The following MALRD1 variants were observed in gnomAD, a reference collection of about 807,000 sequenced individuals.
MALRD1 encodes the protein MAM and LDL-receptor class A domain-containing protein 1.
In MALRD1, 247 loss-of-function variants were observed where a neutral mutation model predicts 242.1. The ratio of observed to expected loss-of-function variants is 1.02; its 90% confidence interval spans 0.92 to 1.13. The LOEUF (loss-of-function observed/expected upper bound fraction) is 1.13. Among genes scored for constraint, MALRD1 ranks in the 50% most tolerant of loss-of-function variants. MALRD1 has a pLI of 0.00. For missense variants in MALRD1, 2,989 were observed against 2,533.1 expected (o/e 1.18, Z -3.86); for synonymous variants, 995 against 866.6 (o/e 1.15, Z -2.60).
At chr10:19,711,136 T>C (rs542793747) in intron 38 of MALRD1, 1 of 152,368 alleles carries the variant, frequency 6.6e-6, no homozygotes, top group Non-Finnish European at 1.5e-5. Flanking sequence ...ATCTTCCTGA[T>C]AGATTCTTTT....
chr10:19,504,229 G>A (rs959015441), intron 31 of MALRD1, among the ~76,000 whole-genome samples: 9 of 152,124 alleles, frequency 5.9e-5, no homozygotes, highest in African/African-American at 1.2e-4. Context: ...TTCTCAACCC[G>A]TAAAATGAGT....
At position 19,610,568 on chromosome 10, in the gene MALRD1, C is replaced by G. The variant is rs1838849905; in HGVS notation, c.6070+2666C>G. ...TCCTAGGTGTATATATCTCTTCAAA[C>G]TATGTGCAGATAATTGTGTATATGC... is the stretch of plus-strand genomic sequence containing the variant. On this transcript the variant is annotated intron_variant, in intron 35 of 39. Transcript: ENST00000454679. Among the ~76,000 whole-genome samples, 4 of 152,086 alleles carry G rather than the reference C, an allele frequency of 2.6e-5. No individual in the cohort carries two copies. The South Asian group carries it at 8.3e-4, about 32-fold the overall frequency.
intron 13 of MALRD1, among the ~76,000 whole-genome samples, 151 bp downstream of exon 13, chr10:19,165,961 T>C (rs1360850522): frequency 6.7e-6 from 1 of 148,342 alleles, no homozygotes; most frequent in Non-Finnish European, 1.5e-5. Flanking sequence ...TATTTAATGC[T>C]AATCCTTTCA....
chr10:19,470,296 A>T (rs980970483), intron 29 of MALRD1, among the ~76,000 whole-genome samples: 7 of 151,992 alleles, frequency 4.6e-5, no homozygotes, highest in African/African-American at 1.7e-4. Flanking sequence ...TCAAGGTTGA[A>T]TAATATTCCA....
chr10:19,157,706 G>A (rs890412780), intron 12 of MALRD1, among the ~76,000 whole-genome samples: 4 of 152,186 alleles, frequency 2.6e-5, no homozygotes, highest in Non-Finnish European at 5.9e-5. Context: ...GAGTCAAGCA[G>A]TGAGATAACC....
At chr10:19,613,593 C>T (rs1414616111) in intron 35 of MALRD1, among the ~76,000 whole-genome samples, 1 of 151,962 alleles carries the variant, frequency 6.6e-6, no homozygotes. Context: ...TAGTTTATTA[C>T]CAACAAAAAC....
intron 28 of MALRD1, among the ~76,000 whole-genome samples, chr10:19,409,431 G>A (rs949362928): frequency 2.6e-5 from 4 of 151,766 alleles, no homozygotes; most frequent in South Asian, 4.1e-4. Context: ...CTCTAGCCTC[G>A]GCAACAGAGT....
chr10:19,604,670 TG>T (rs1838522125), intron 34 of MALRD1, among the ~76,000 whole-genome samples: 1 of 152,168 alleles, frequency 6.6e-6, no homozygotes, highest in African/African-American at 2.4e-5. Flanking sequence ...AGCCTTCTAT[TG>T]GAAGAAGATG....
chr10:19,326,235 G>A (rs1043185887), intron 22 of MALRD1, among the ~76,000 whole-genome samples: 17 of 151,986 alleles, frequency 1.1e-4, no homozygotes, highest in African/African-American at 3.9e-4. Context: ...TAAGATTTTC[G>A]TCAGTAAAAT....
intron 38 of MALRD1, among the ~76,000 whole-genome samples, chr10:19,704,629 G>A (rs1222163903): frequency 6.6e-6 from 1 of 152,200 alleles, no homozygotes; most frequent in Non-Finnish European, 1.5e-5. Flanking sequence ...AGATGTGAAA[G>A]TGATGTGGAG....
At position 19,245,241 on chromosome 10, in the gene MALRD1, G is replaced by C. The variant is rs984369609; in HGVS notation, c.2992-12443G>C. ...TTTAACTATAATCTAGGTAACGTGA[G>C]TTACTGGAGAAAGCAGAATAGATTC... On this transcript the variant is annotated intron_variant, in intron 18 of 39. Transcript: ENST00000454679. Among the ~76,000 whole-genome samples, 3 of 152,140 alleles carry C rather than the reference G, an allele frequency of 2.0e-5. 1 individual carries two copies. The highest frequency in any genetic ancestry group is 4.4e-5 in the Non-Finnish European group (3 of 68,016).
chr10:19,097,525 A>T (rs967319064), intron 4 of MALRD1, among the ~76,000 whole-genome samples: 4 of 152,228 alleles, frequency 2.6e-5, no homozygotes, highest in Non-Finnish European at 5.9e-5. Context: ...TAAAATGTTC[A>T]AGGAGACAAA....
intron 18 of MALRD1, among the ~76,000 whole-genome samples, chr10:19,238,011 TTA>T (rs1182171987): frequency 6.7e-5 from 6 of 89,890 alleles, no homozygotes; most frequent in African/African-American, 1.8e-4. Flanking sequence ...TTATATATAA[TTA>T]TATGTAATTT....
At chr10:19,384,530 A>G (rs1327274696) in intron 26 of MALRD1, among the ~76,000 whole-genome samples, 1 of 119,186 alleles carries the variant, frequency 8.4e-6, no homozygotes, top group African/African-American at 3.3e-5. Flanking sequence ...TATAGTGTAT[A>G]TAATATATTT....
chr10:19,348,900 C>T (rs182391375), intron 25 of MALRD1, among the ~76,000 whole-genome samples: 1 of 152,144 alleles, frequency 6.6e-6, no homozygotes. Context: ...TGTATTCTGA[C>T]TAGAGTGTTC....
chr10:19,411,622 C>T (rs775765956), intron 28 of MALRD1, among the ~76,000 whole-genome samples: 5 of 152,112 alleles, frequency 3.3e-5, no homozygotes, highest in Non-Finnish European at 7.4e-5. Flanking sequence ...AGTACAACTC[C>T]AGACAGTCCA....
chr10:19,207,707 G>C (rs1039324152), intron 17 of MALRD1, among the ~76,000 whole-genome samples: 1 of 152,076 alleles, frequency 6.6e-6, no homozygotes, highest in Non-Finnish European at 1.5e-5. Context: ...TCAGCATGTT[G>C]GTTGGGCTGG....
intron 18 of MALRD1, among the ~76,000 whole-genome samples, chr10:19,248,421 A>G (rs1175916122): frequency 6.6e-6 from 1 of 151,866 alleles, no homozygotes; most frequent in Non-Finnish European, 1.5e-5. Flanking sequence ...TGACACATGT[A>G]GAAAATGTTA....
chr10:19,052,711 GT>G (rs1564362559), intron 1 of MALRD1, among the ~76,000 whole-genome samples: 1 of 152,056 alleles, frequency 6.6e-6, no homozygotes, highest in Non-Finnish European at 1.5e-5. Context: ...TGCACCCCTG[GT>G]TTCTTTAACT....
Sources: allele counts gnomAD v4.1 joint callset (sites outside exome capture counted in the v4.1 genomes callset), GRCh38; gene constraint gnomAD v4.1.1; transcripts MANE v1.5; gene names NCBI Gene and HGNC (gene_info 2026-07-23, HGNC 2026-07-21).